NTM: variants seen among roughly 807,000 people sequenced by gnomAD.
NTM encodes neurotrimin.
NTM carries 13 observed loss-of-function variants against 42.1 expected under a neutral mutation model. The ratio of observed to expected loss-of-function variants is 0.31; its 90% confidence interval spans 0.20 to 0.49. NTM has a LOEUF of 0.49. NTM is among the 20% of genes least tolerant of loss of function. NTM has a pLI of 0.99. For synonymous variants in NTM, 187 were observed against 179.2 expected, an observed-to-expected ratio of 1.04 and a Z score of -0.35; for missense variants, 373 against 452.8, an observed-to-expected ratio of 0.82 and a Z score of 1.60.
chr11:132,179,644 G>C (rs548727082), intron 3 of NTM, among the ~76,000 whole-genome samples: 1 of 152,174 alleles, frequency 6.6e-6, no homozygotes, highest in Non-Finnish European at 1.5e-5. Flanking sequence ...TTTGGAAGAC[G>C]GTTTGAAGAG....
chr11:131,541,823 A>C (rs985371934), intron 1 of NTM, among the ~76,000 whole-genome samples: 2 of 152,140 alleles, frequency 1.3e-5, no homozygotes, highest in African/African-American at 4.8e-5. Flanking sequence ...ACCAGGTAAA[A>C]ACTAGTTGCT....
intron 1 of NTM, chr11:131,537,540 G>A (rs1054418651): frequency 1.3e-5 from 2 of 152,212 alleles, no homozygotes; most frequent in African/African-American, 4.8e-5. Flanking sequence ...TATTACTTAA[G>A]GTCCTTCCTG....
intron 1 of NTM, among the ~76,000 whole-genome samples, chr11:131,654,942 C>T (rs900107382): frequency 6.6e-6 from 1 of 152,144 alleles, no homozygotes; most frequent in Non-Finnish European, 1.5e-5. Context: ...TTAATCCACC[C>T]AGCTACTCAG....
chr11:131,834,625 C>CACATATAT (rs1555148243), intron 1 of NTM, among the ~76,000 whole-genome samples: 4 of 133,986 alleles, frequency 3.0e-5, no homozygotes, highest in Non-Finnish European at 4.8e-5. Context: ...TATACATATA[C>CACATATAT]ATATATATAT....
At chr11:131,630,146 C>A (rs906420491) in intron 1 of NTM, among the ~76,000 whole-genome samples, 1 of 152,094 alleles carries the variant, frequency 6.6e-6, no homozygotes. Flanking sequence ...CTCCATCTAC[C>A]GGCAAAGGAG....
intron 2 of NTM, among the ~76,000 whole-genome samples, chr11:132,108,579 G>A (rs1270815715): frequency 1.3e-5 from 2 of 152,022 alleles, no homozygotes; most frequent in South Asian, 2.1e-4. Context: ...TGCATGCAGT[G>A]TACACTGTTC....
Position 131,541,632 on chromosome 11 carries a change from T to C in NTM, c.82+170744T>C, listed in dbSNP as rs544608474. On this transcript the variant is annotated intron_variant, in intron 1 of 8. Transcript: ENST00000683400. ...TGTCCTGTCTGAACTGTAGAATAGT[T>C]GCTAGATTGTGTATAAACAAGCAAT... is the stretch of plus-strand genomic sequence containing the variant. 1.4e-3 allele frequency among the ~76,000 whole-genome samples: 207 copies of C among 152,340 alleles called. 1 individual carries two copies. Among genetic ancestry groups the C allele is most frequent in the African/African-American group, 4.8e-3 (198 of 41,578 alleles).
At chr11:132,255,672 C>T (rs181442065) in intron 4 of NTM, among the ~76,000 whole-genome samples, 39 of 152,308 alleles carry the variant, frequency 2.6e-4, no homozygotes, top group African/African-American at 8.9e-4. Context: ...CCTAATGCGG[C>T]TGCCCTCATC....
chr11:132,181,955 TTTATTA>T (rs56263428), intron 3 of NTM, among the ~76,000 whole-genome samples: 1,989 of 140,990 alleles, frequency 0.014, 28 homozygotes, highest in African/African-American at 0.03. Context: ...CACTATCTAG[TTTATTA>T]TTATTATTAT....
At chr11:131,456,229 G>T (rs11222628) in intron 1 of NTM, among the ~76,000 whole-genome samples, 9,128 of 152,236 alleles carry the variant, frequency 0.06, 644 homozygotes, top group East Asian at 0.22. Flanking sequence ...GTAGCAGCAG[G>T]TTGTTTCAGT....
At chr11:131,618,471 C>T (rs2062177630) in intron 1 of NTM, among the ~76,000 whole-genome samples, 1 of 152,138 alleles carries the variant, frequency 6.6e-6, no homozygotes, top group South Asian at 2.1e-4. Context: ...CTTCTCTGTG[C>T]CCTCTGGTGA....
chr11:131,505,312 G>A (rs2047353435), intron 1 of NTM, among the ~76,000 whole-genome samples: 1 of 152,148 alleles, frequency 6.6e-6, no homozygotes, highest in Non-Finnish European at 1.5e-5. Context: ...TTCTCAGTGT[G>A]TTAAGGACTT....
intron 4 of NTM, among the ~76,000 whole-genome samples, chr11:132,256,102 GC>G (rs2092447702): frequency 6.6e-6 from 1 of 152,134 alleles, no homozygotes; most frequent in African/African-American, 2.4e-5. Context: ...TTCTGTCTAG[GC>G]TATGCAGAGG....
At chr11:131,522,123 C>T (rs939284213) in intron 1 of NTM, among the ~76,000 whole-genome samples, 4 of 152,132 alleles carry the variant, frequency 2.6e-5, no homozygotes, top group African/African-American at 7.2e-5. Context: ...TAATCAGCTT[C>T]GTCAACGTAT....
chr11:132,135,547 C>T (rs968131540), intron 2 of NTM, among the ~76,000 whole-genome samples: 3 of 152,180 alleles, frequency 2.0e-5, no homozygotes, highest in South Asian at 4.1e-4. Flanking sequence ...AGTGGAGGCT[C>T]GATTTTAGGC....
intron 3 of NTM, among the ~76,000 whole-genome samples, chr11:132,210,265 G>A (rs2082630792): frequency 6.6e-6 from 1 of 152,162 alleles, no homozygotes; most frequent in East Asian, 1.9e-4. Context: ...GCTGGATGGA[G>A]GGGACACTTA....
intron 1 of NTM, among the ~76,000 whole-genome samples, chr11:131,505,126 A>T (rs893701441): frequency 1.3e-5 from 2 of 151,970 alleles, no homozygotes; most frequent in Non-Finnish European, 2.9e-5. Flanking sequence ...CATTCTCCTC[A>T]TCTAAGAAAT....
intron 1 of NTM, among the ~76,000 whole-genome samples, chr11:131,747,067 GATT>G (rs1349324310): frequency 7.2e-5 from 11 of 152,168 alleles, no homozygotes; most frequent in African/African-American, 2.7e-4. Context: ...TATATGTTAA[GATT>G]ATGATAAGCC....
chr11:131,769,221 C>T (rs1526566), intron 1 of NTM, among the ~76,000 whole-genome samples: 65,481 of 152,016 alleles, frequency 0.43, 15,026 homozygotes, highest in East Asian at 0.61. Flanking sequence ...TTTATTCCCA[C>T]CTCAAAATCC....
Sources: gnomAD v4.1 joint callset for allele counts (sites outside exome capture counted in the v4.1 genomes callset) on GRCh38, gnomAD v4.1.1 for gene constraint, MANE v1.5 for transcripts, NCBI Gene and HGNC (gene_info 2026-07-23, HGNC 2026-07-21) for gene names.